DHX35: variants seen among roughly 807,000 people sequenced by gnomAD.
The protein encoded by DHX35 is DEAH-box helicase 35.
Under a neutral mutation model 99.6 loss-of-function variants are expected in DHX35, and 84 were observed. The observed-to-expected ratio is 0.84, with a 90% CI of 0.71 to 1.01. DHX35 has a LOEUF of 1.01. DHX35 is among the 50% of genes least tolerant of loss of function. DHX35 has a pLI of 0.00. For synonymous variants in DHX35, 331 were observed against 316.2 expected (o/e 1.05, Z -0.50); for missense variants, 852 against 888.5 (o/e 0.96, Z 0.52).
chr20:39,027,539 C>T (rs1047625511), intron 18 of DHX35, among the ~76,000 whole-genome samples: 1 of 152,052 alleles, frequency 6.6e-6, no homozygotes, highest in Non-Finnish European at 1.5e-5. Context: ...ACACTTTTTG[C>T]CAAAACATTG....
chr20:39,016,318 T>A (rs1242356265), intron 14 of DHX35, among the ~76,000 whole-genome samples: 1 of 152,176 alleles, frequency 6.6e-6, no homozygotes, highest in Non-Finnish European at 1.5e-5. Context: ...ACCCATACAC[T>A]TCCCAGTAGG....
chr20:38,997,761 T>G (rs8122051), intron 8 of DHX35, among the ~76,000 whole-genome samples: 21,049 of 152,002 alleles, frequency 0.14, 1,607 homozygotes, highest in East Asian at 0.29. Flanking sequence ...TGAGTTCGTA[T>G]GTGAGTGAAA....
chr20:39,035,285 T>A (rs2087130769), intron 21 of DHX35, among the ~76,000 whole-genome samples: 1 of 152,164 alleles, frequency 6.6e-6, no homozygotes, highest in East Asian at 1.9e-4. Flanking sequence ...TTGGCCAGGC[T>A]GGTCTTGAAC....
chr20:38,964,139 A>C (rs1248760176), intron 1 of DHX35, among the ~76,000 whole-genome samples: 1 of 152,214 alleles, frequency 6.6e-6, no homozygotes, highest in Non-Finnish European at 1.5e-5. Context: ...TATGGATAAG[A>C]AATACTTCAT....
intron 1 of DHX35, among the ~76,000 whole-genome samples, chr20:38,968,832 G>A (rs527786428): frequency 1.6e-3 from 247 of 152,306 alleles, no homozygotes; most frequent in Non-Finnish European, 2.5e-3. Context: ...GATTACAGGC[G>A]TGAGCCACTG....
chr20:39,023,845 G>A, intron 17 of DHX35, 78 bp downstream of exon 17: 2 of 1,238,578 alleles, frequency 1.6e-6, no homozygotes, highest in African/African-American at 1.5e-5. Context: ...GATCCCAGAA[G>A]TTCAGTTCGT....
At chr20:38,974,529 G>A (rs2086048116) in intron 3 of DHX35, among the ~76,000 whole-genome samples, 1 of 152,076 alleles carries the variant, frequency 6.6e-6, no homozygotes, top group Admixed American at 6.5e-5. Context: ...TTTTTGAGGG[G>A]AAATTAATGT....
At chr20:38,991,656 C>T (rs2086339503) in intron 6 of DHX35, 141 bp downstream of exon 6, 1 of 658,130 alleles carries the variant, frequency 1.5e-6, no homozygotes, top group Non-Finnish European at 2.5e-6. Context: ...TGTTGGGACC[C>T]TTGGTGTTTT....
chr20:38,996,313 A>C (rs1171822327), intron 8 of DHX35, among the ~76,000 whole-genome samples: 1 of 152,150 alleles, frequency 6.6e-6, no homozygotes, highest in Non-Finnish European at 1.5e-5. Context: ...ACTTTGTCTT[A>C]TTTTATCTCT....
At chr20:39,036,087 C>A (rs953290314) in intron 21 of DHX35, among the ~76,000 whole-genome samples, 4 of 152,118 alleles carry the variant, frequency 2.6e-5, no homozygotes, top group Admixed American at 1.3e-4. Context: ...GAAAGGTAAA[C>A]TAGAGGTTGA....
chr20:39,028,291 A>G, intron 18 of DHX35, 127 bp from the exon 19 acceptor site: 1 of 878,474 alleles, frequency 1.1e-6, no homozygotes, highest in Non-Finnish European at 1.9e-6. Context: ...GAGCCATTTC[A>G]GGAGAGGGTT....
intron 6 of DHX35, among the ~76,000 whole-genome samples, chr20:38,992,105 T>C (rs75981664): frequency 0.02 from 3,087 of 152,340 alleles, 113 homozygotes; most frequent in African/African-American, 0.07. Context: ...TATTAAATTC[T>C]GTTGGAATTC....
At chr20:39,011,409 C>G (rs1028872156) in intron 13 of DHX35, among the ~76,000 whole-genome samples, 4 of 152,146 alleles carry the variant, frequency 2.6e-5, no homozygotes, top group African/African-American at 9.7e-5. Context: ...CATCTTGGCT[C>G]ACTGCAACCT....
chr20:38,987,714 T>G (rs897751149), intron 4 of DHX35, among the ~76,000 whole-genome samples: 1 of 152,240 alleles, frequency 6.6e-6, no homozygotes, highest in Non-Finnish European at 1.5e-5. Context: ...TTATTTGTTA[T>G]GTTTTGATGG....
At chr20:39,025,125 C>A in intron 17 of DHX35, 105 bp from the exon 18 acceptor site, 1 of 1,316,408 alleles carries the variant, frequency 7.6e-7, no homozygotes, top group Non-Finnish European at 1.0e-6. Context: ...AGATCTTATG[C>A]CGTTGAACAG....
chr20:39,034,592 T>C (rs1002487041), intron 21 of DHX35, among the ~76,000 whole-genome samples: 47 of 58,516 alleles, frequency 8.0e-4, no homozygotes, highest in African/African-American at 4.3e-3. Flanking sequence ...TCCAAACTAT[T>C]TTTTTTTTTT....
chr20:38,990,568 A>C (rs2086322944), intron 5 of DHX35, among the ~76,000 whole-genome samples: 2 of 152,230 alleles, frequency 1.3e-5, no homozygotes, highest in South Asian at 4.1e-4. Context: ...AATTGCTAAT[A>C]TTACAAAATA....
At chr20:39,036,160 G>A (rs1181312098) in intron 21 of DHX35, among the ~76,000 whole-genome samples, 1 of 152,154 alleles carries the variant, frequency 6.6e-6, no homozygotes, top group East Asian at 1.9e-4. Flanking sequence ...AGCCAGAGAA[G>A]GATAAGCCTG....
At chr20:39,016,578 A>G (rs2086788919) in intron 14 of DHX35, among the ~76,000 whole-genome samples, 1 of 152,198 alleles carries the variant, frequency 6.6e-6, no homozygotes, top group Non-Finnish European at 1.5e-5. Context: ...TTTTTGGCTG[A>G]TATAAATAAT....
Sources: gnomAD v4.1 joint callset for allele counts (sites outside exome capture counted in the v4.1 genomes callset) on GRCh38, gnomAD v4.1.1 for gene constraint, MANE v1.5 for transcripts, NCBI Gene and HGNC (gene_info 2026-07-23, HGNC 2026-07-21) for gene names.